MOK: variants seen among roughly 807,000 people sequenced by gnomAD.
MOK encodes the protein MOK protein kinase, also known as MAPK/MAK/MRK overlapping kinase.
In MOK, 59 loss-of-function variants were observed where a neutral mutation model predicts 54.2. That is an observed-to-expected ratio of 1.09 (90% CI 0.88 to 1.35). The LOEUF is 1.35. Among genes scored for constraint, MOK ranks in the 40% most tolerant of loss-of-function variants. MOK has a pLI of 0.00. For synonymous variants in MOK, 210 were observed against 202.7 expected, an observed-to-expected ratio of 1.04 and a Z score of -0.31; for missense variants, 517 against 526.2, an observed-to-expected ratio of 0.98 and a Z score of 0.17.
At chr14:102,215,406 A>C in the MOK span, among the ~76,000 whole-genome samples, 1 of 152,112 alleles carries the variant, frequency 6.6e-6, no homozygotes, top group Non-Finnish European at 1.5e-5. Flanking sequence ...CTGTCCAGCC[A>C]CCCAGCCAGC....
the MOK span, among the ~76,000 whole-genome samples, chr14:102,216,166 G>A: frequency 6.6e-6 from 1 of 152,216 alleles, no homozygotes; most frequent in African/African-American, 2.4e-5. Context: ...AGAGCCTCCA[G>A]TGCTGAACTA....
chr14:102,222,878 G>C, downstream of MOK: 1 of 1,614,216 alleles, frequency 6.2e-7, no homozygotes, highest in South Asian at 1.1e-5. The surrounding 1 kb of genome is among the most constrained non-coding windows in gnomAD (Gnocchi z 4.4). Flanking sequence ...TGGAACTGTA[G>C]TGTAGCGACC....
downstream of MOK, chr14:102,225,387 C>G (rs1057266034): frequency 2.6e-5 from 4 of 152,882 alleles, no homozygotes; most frequent in African/African-American, 7.3e-5. Context: ...ATCCAGCCAT[C>G]TTCCTGGTCA....
At chr14:102,289,079 A>G (rs1401836185) in intron 1 of MOK, among the ~76,000 whole-genome samples, 1 of 151,798 alleles carries the variant, frequency 6.6e-6, no homozygotes, top group Non-Finnish European at 1.5e-5. Context: ...ATTGTTTTGT[A>G]TTTTTTGTAG....
chr14:102,246,949 G>A (rs750452817), intron 7 of MOK, among the ~76,000 whole-genome samples: 4 of 152,058 alleles, frequency 2.6e-5, no homozygotes, highest in Admixed American at 2.0e-4. Flanking sequence ...CAACAATAAA[G>A]ACAGGCTTCG....
chr14:102,301,638 T>G (rs991420971), intron 1 of MOK, among the ~76,000 whole-genome samples: 8 of 152,218 alleles, frequency 5.3e-5, no homozygotes, highest in African/African-American at 1.9e-4. Context: ...TTCTGGAATA[T>G]TCTCTCCATT....
At chr14:102,254,461 A>G (rs1238749299) in intron 4 of MOK, among the ~76,000 whole-genome samples, 1 of 152,170 alleles carries the variant, frequency 6.6e-6, no homozygotes, top group Non-Finnish European at 1.5e-5. Context: ...AAAGAAAGCA[A>G]CTTTCCATTT....
intron 7 of MOK, among the ~76,000 whole-genome samples, chr14:102,234,500 C>T (rs1251904802): frequency 2.0e-5 from 3 of 152,130 alleles, no homozygotes; most frequent in Non-Finnish European, 4.4e-5. Flanking sequence ...CTGGTTCCTC[C>T]GTTTCAGGGA....
chr14:102,270,518 T>C lies in MOK; in HGVS notation c.123-4606A>G, dbSNP rs948788885. Among the ~76,000 whole-genome samples the C allele has an allele frequency of 9.2e-5, 14 of 152,028 alleles. 1 individual carries two copies. The highest frequency in any genetic ancestry group is 3.1e-4 in the African/African-American group (13 of 41,408). On this transcript the variant is annotated intron_variant, in intron 2 of 11. Coordinates refer to ENST00000361847, the MANE Select transcript of MOK (RefSeq NM_014226.3). The stretch of plus-strand genomic sequence containing the variant: ...CAGGAGGCTAAGGCAGGAGAATCAG[T>C]TGGACCTGGGAGGCAGAGGTTGCAG...
rs567459394 is a variant in MOK at position 102,235,892 on chromosome 14, AAGCCCAAAG to A, written c.591-2112_591-2104del. Among the ~76,000 whole-genome samples the A allele has an allele frequency of 5.7e-3, 861 of 152,270 alleles. 9 individuals are homozygous for A. The highest frequency in any genetic ancestry group is 0.019 in the African/African-American group (804 of 41,544). The stretch of plus-strand genomic sequence containing the variant: ...AGGGATGAGCAAAATAAATTAGATA[AAGCCCAAAG>A]AGATCGTGCTAAATACCAGCTTCTA... On this transcript the variant is annotated intron_variant, in intron 7 of 11. Coordinates refer to ENST00000361847, the MANE Select transcript of MOK (RefSeq NM_014226.3). The surrounding 1 kb of genome is among the most constrained non-coding windows in gnomAD (Gnocchi z 4.4).
At chr14:102,279,810 T>C (rs2069228025) in intron 2 of MOK, among the ~76,000 whole-genome samples, 1 of 152,118 alleles carries the variant, frequency 6.6e-6, no homozygotes, top group South Asian at 2.1e-4. Flanking sequence ...ACAGTACTAA[T>C]CCATTATGTG....
chr14:102,254,067 C>T (rs1391101588), intron 4 of MOK, among the ~76,000 whole-genome samples: 1 of 152,084 alleles, frequency 6.6e-6, no homozygotes, highest in East Asian at 1.9e-4. Context: ...CCACTGCAAC[C>T]TCCACCTCCC....
At chr14:102,300,002 A>AC (rs1597656444) in intron 1 of MOK, among the ~76,000 whole-genome samples, 1 of 151,794 alleles carries the variant, frequency 6.6e-6, no homozygotes, top group Non-Finnish European at 1.5e-5. Flanking sequence ...ATATAGGGAG[A>AC]CCCCCATCTC....
At chr14:102,290,229 C>G (rs777339051) in intron 1 of MOK, among the ~76,000 whole-genome samples, 1 of 151,504 alleles carries the variant, frequency 6.6e-6, no homozygotes, top group Admixed American at 6.6e-5. Flanking sequence ...CATCTGAGGT[C>G]GGGAGTTCAA....
rs997683950 is a variant in MOK at position 102,240,677 on chromosome 14, A to G, written c.591-6888T>C. On this transcript the variant is annotated intron_variant, in intron 7 of 11. Coordinates refer to ENST00000361847, the MANE Select transcript of MOK (RefSeq NM_014226.3). The surrounding 1 kb of genome is among the most constrained non-coding windows in gnomAD (Gnocchi z 5.4). ...GATGCCTGCCTGATTATTCACCCAC[A>G]CTCCATTGGTGTCTGATCACCGCGA... The G allele has an allele frequency of 6.6e-6, 1 of 151,790 alleles. No homozygotes were observed. The highest frequency in any genetic ancestry group is 6.6e-5 in the Admixed American group (1 of 15,230). 9.4% of individuals were successfully genotyped at this position (151,790 alleles called of 1,614,324 possible).
At chr14:102,296,602 G>C (rs1167046043) in intron 1 of MOK, among the ~76,000 whole-genome samples, 1 of 152,088 alleles carries the variant, frequency 6.6e-6, no homozygotes, top group African/African-American at 2.4e-5. Flanking sequence ...TTTATTTCAA[G>C]AGAAACAGTT....
rs1011715210 is a variant in MOK at position 102,245,292 on chromosome 14, T to G, written c.590+5520A>C. On this transcript the variant is annotated intron_variant, in intron 7 of 11. Transcript: ENST00000361847. The surrounding 1 kb of genome is among the most constrained non-coding windows in gnomAD (Gnocchi z 4.3). ...CCCCTAATCCCACTCGAAGCAGCCC[T>G]GAGAAACATCGCCCATTATCTCTTC... Among the ~76,000 whole-genome samples the G allele has an allele frequency of 6.6e-6, 1 of 152,012 alleles. No individual in the cohort carries two copies. Among genetic ancestry groups the G allele is most frequent in the East Asian group, 1.9e-4 (1 of 5,184 alleles).
At chr14:102,219,981 G>A (rs1297799019), downstream of MOK, among the ~76,000 whole-genome samples, 2 of 152,246 alleles carry the variant, frequency 1.3e-5, no homozygotes, top group African/African-American at 4.8e-5. Context: ...GCATCAAGGC[G>A]TTAGCCAGCA....
chr14:102,235,976 C>A lies in MOK; in HGVS notation c.591-2187G>T, dbSNP rs941710380. Among the ~76,000 whole-genome samples, 4 of 152,178 alleles carry A rather than the reference C, an allele frequency of 2.6e-5. No individual in the cohort carries two copies. The highest frequency in any genetic ancestry group is 5.9e-5 in the Non-Finnish European group (4 of 68,022). ...CGTATCACCCAAGGGCACAAAAGAC[C>A]CGATAGCAGCAACCCTCCGGGCCTT... On this transcript the variant is annotated intron_variant, in intron 7 of 11. Transcript: ENST00000361847. This position sits in a 1 kb window ranked among gnomAD's most constrained non-coding sequence, Gnocchi z 4.4.
Sources: allele counts gnomAD v4.1 joint callset (sites outside exome capture counted in the v4.1 genomes callset), GRCh38; gene constraint gnomAD v4.1.1; non-coding constraint Gnocchi (gnomAD v3.1); transcripts MANE v1.5; gene names NCBI Gene and HGNC (gene_info 2026-07-23, HGNC 2026-07-21).